Variants in CHN2 observed in about 807,000 individuals in gnomAD.
The protein encoded by CHN2 is chimerin 2.
A neutral mutation model predicts 56.3 loss-of-function variants in CHN2; 35 were observed. The observed-to-expected ratio is 0.62, with a 90% confidence interval of 0.47 to 0.82. The LOEUF is 0.82. Ranked by LOEUF, CHN2 falls within the 40% of genes least tolerant of loss-of-function variation. The pLI is 0.00. For missense variants in CHN2, 491 were observed against 580.5 expected, an observed-to-expected ratio of 0.85 and a Z score of 1.58; for synonymous variants, 210 against 212.8, an observed-to-expected ratio of 0.99 and a Z score of 0.12.
intron 1 of CHN2, among the ~76,000 whole-genome samples, chr7:29,219,114 G>A (rs1785574681): frequency 6.6e-6 from 1 of 152,122 alleles, no homozygotes; most frequent in Admixed American, 6.5e-5. Flanking sequence ...AACCGCAGTG[G>A]CCCAGGCCAC....
chr7:29,170,783 G>A (rs1012301904), intron 2 of CHN2, among the ~76,000 whole-genome samples: 1 of 151,538 alleles, frequency 6.6e-6, no homozygotes, highest in Non-Finnish European at 1.5e-5. Flanking sequence ...TATGGCTGGT[G>A]GGGGGGCCTC....
chr7:29,367,654 G>A (rs934781097), intron 2 of CHN2, among the ~76,000 whole-genome samples: 16 of 151,996 alleles, frequency 1.1e-4, no homozygotes, highest in Non-Finnish European at 1.9e-4. Context: ...AGTCTTCCAC[G>A]AAAGCCATAA....
intron 3 of CHN2, among the ~76,000 whole-genome samples, chr7:29,388,719 A>G (rs559200559): frequency 2.6e-5 from 4 of 152,276 alleles, no homozygotes; most frequent in African/African-American, 9.6e-5. Context: ...AAAATGATAG[A>G]CATATTAGAG....
In CHN2 at chr7:29,504,766, C is replaced by T. The variant is rs1022021544; in HGVS notation, c.936C>T (p.Tyr312=). 1 of 1,611,772 alleles carries T rather than the reference C, an allele frequency of 6.2e-7. No homozygotes were observed. Among genetic ancestry groups the T allele is most frequent in the Non-Finnish European group, 8.5e-7 (1 of 1,179,262 alleles). The change falls in exon 10 of 13, where the codon TAC becomes TAT. Residue 312 remains tyrosine (Y), a synonymous_variant. Transcript: ENST00000222792. ...CAGGATTAAAATCGGAAGGCCTTTA[C>T]AGAGTCTCTGGGTTCACTGAACACA... The part of the protein sequence containing the change: ...EARGLKSEGL[Y]RVSGFTEHIE...
intron 1 of CHN2, among the ~76,000 whole-genome samples, chr7:29,264,723 C>A (rs1336446111): frequency 6.6e-6 from 1 of 151,996 alleles, no homozygotes; most frequent in African/African-American, 2.4e-5. Flanking sequence ...CCTTTGTTCA[C>A]GTTTGTCTGC....
chr7:29,237,501 T>TA, intron 1 of CHN2, among the ~76,000 whole-genome samples: 1 of 64,450 alleles, frequency 1.6e-5, no homozygotes, highest in African/African-American at 3.9e-5. Context: ...CAAAACTTGA[T>TA]TTTTTTTTCC....
intron 1 of CHN2, among the ~76,000 whole-genome samples, chr7:29,266,139 A>G (rs778547951): frequency 6.6e-6 from 1 of 152,250 alleles, no homozygotes; most frequent in Non-Finnish European, 1.5e-5. Flanking sequence ...AACAAACCAC[A>G]TACTTCCAGT....
chr7:29,273,343 G>GTGTATATATATA (rs1157790795), intron 1 of CHN2, among the ~76,000 whole-genome samples: 6 of 58,180 alleles, frequency 1.0e-4, no homozygotes, highest in Non-Finnish European at 1.4e-4. Context: ...ATATATATGT[G>GTGTATATATATA]TATATATATA....
At chr7:29,319,266 A>C (rs1795172644) in intron 1 of CHN2, among the ~76,000 whole-genome samples, 1 of 152,242 alleles carries the variant, frequency 6.6e-6, no homozygotes, top group Admixed American at 6.5e-5. Flanking sequence ...TTCAAGCATC[A>C]GTTCTCAGCA....
intron 6 of CHN2, among the ~76,000 whole-genome samples, chr7:29,470,882 T>C (rs1364681369): frequency 1.3e-5 from 2 of 152,160 alleles, no homozygotes; most frequent in Admixed American, 6.5e-5. Flanking sequence ...CACTTACTTC[T>C]TTGGCCAGAA....
At chr7:29,417,327 G>A (rs1226295609) in intron 6 of CHN2, among the ~76,000 whole-genome samples, 1 of 138,630 alleles carries the variant, frequency 7.2e-6, no homozygotes, top group African/African-American at 2.6e-5. Context: ...TTTTTTTACT[G>A]TAACCCTTTT....
At chr7:29,456,978 C>A (rs1026738209) in intron 6 of CHN2, among the ~76,000 whole-genome samples, 10 of 152,082 alleles carry the variant, frequency 6.6e-5, no homozygotes, top group Admixed American at 3.3e-4. Flanking sequence ...CACAGTCACA[C>A]AGAGGCACAC....
intron 2 of CHN2, among the ~76,000 whole-genome samples, chr7:29,177,180 A>T (rs1485268229): frequency 6.6e-6 from 1 of 152,156 alleles, no homozygotes; most frequent in Non-Finnish European, 1.5e-5. Context: ...CAGATTGCTT[A>T]AAGTAATTTA....
At chr7:29,278,807 TAAGGAGTTA>T (rs1282724730) in intron 1 of CHN2, among the ~76,000 whole-genome samples, 20 of 152,202 alleles carry the variant, frequency 1.3e-4, no homozygotes, top group Non-Finnish European at 4.4e-5. Flanking sequence ...CCCTCCCCCA[TAAGGAGTTA>T]AAATTGGCCC....
At chr7:29,450,970 C>A (rs1184378045) in intron 6 of CHN2, among the ~76,000 whole-genome samples, 1 of 152,004 alleles carries the variant, frequency 6.6e-6, no homozygotes, top group Non-Finnish European at 1.5e-5. Context: ...AGGGTTTCAC[C>A]ATCTTGGCCA....
intron 6 of CHN2, among the ~76,000 whole-genome samples, chr7:29,411,752 C>A (rs997199149): frequency 2.0e-5 from 3 of 152,120 alleles, no homozygotes; most frequent in African/African-American, 2.4e-5. Context: ...GAGAATGGAG[C>A]CTGGAGAAAG....
chr7:29,417,825 G>A (rs190074076), intron 6 of CHN2, among the ~76,000 whole-genome samples: 2 of 152,268 alleles, frequency 1.3e-5, no homozygotes, highest in Non-Finnish European at 2.9e-5. Context: ...ATACTAGTAA[G>A]GTATTGTAGA....
chr7:29,235,138 C>T (rs1050803420), intron 1 of CHN2, among the ~76,000 whole-genome samples: 26 of 152,052 alleles, frequency 1.7e-4, no homozygotes, highest in Admixed American at 9.2e-4. Flanking sequence ...CCCATGCATC[C>T]GACAAAGGTC....
At chr7:29,253,899 T>G (rs1788843772) in intron 1 of CHN2, among the ~76,000 whole-genome samples, 1 of 152,144 alleles carries the variant, frequency 6.6e-6, no homozygotes, top group Admixed American at 6.5e-5. Context: ...GCTAAATAAA[T>G]GTAGCTATTT....
Sources: gnomAD v4.1 joint callset for allele counts (sites outside exome capture counted in the v4.1 genomes callset) on GRCh38, gnomAD v4.1.1 for gene constraint, MANE v1.5 for transcripts, NCBI Gene and HGNC (gene_info 2026-07-23, HGNC 2026-07-21) for gene names.